TMC5: variants seen among roughly 807,000 people sequenced by gnomAD.
TMC5 encodes transmembrane channel like 5.
A neutral mutation model predicts 110.5 loss-of-function variants in TMC5; 86 were observed. The ratio of observed to expected loss-of-function variants is 0.78; its 90% CI spans 0.65 to 0.93. The LOEUF (loss-of-function observed/expected upper bound fraction) is 0.93. Among genes scored for constraint, TMC5 ranks in the 40% least tolerant of loss-of-function variants. TMC5 has a pLI of 0.00. For synonymous variants in TMC5, 455 were observed against 439.5 expected (o/e 1.04, Z -0.44); for missense variants, 1,144 against 1,222.8 (o/e 0.94, Z 0.96).
At chr16:19,492,051 C>T in intron 18 of TMC5, 99 bp from the exon 19 acceptor site, 2 of 927,664 alleles carry the variant, frequency 2.2e-6, no homozygotes, top group South Asian at 1.5e-5. Context: ...GGGCCAAATC[C>T]ATCTGCAAGC....
At chr16:19,496,887 C>CAAAAAAAAAAAAAAAAAAAAAAAA (rs67040638) in intron 20 of TMC5, among the ~76,000 whole-genome samples, 2 of 80,242 alleles carry the variant, frequency 2.5e-5, no homozygotes, top group Admixed American at 1.4e-4. Flanking sequence ...AAGACTCTGT[C>CAAAAAAAAAAAAAAAAAAAAAAAA]AAAAAAAAAA....
At chr16:19,456,091 C>T (rs541144820) in intron 5 of TMC5, among the ~76,000 whole-genome samples, 111 of 151,950 alleles carry the variant, frequency 7.3e-4, no homozygotes, top group African/African-American at 2.7e-3. Flanking sequence ...CCTGTAATCC[C>T]AGCTACTTGG....
intron 17 of TMC5, 124 bp downstream of exon 17, chr16:19,487,450 C>T (rs1186985405): frequency 1.5e-6 from 2 of 1,311,172 alleles, no homozygotes; most frequent in Admixed American, 5.7e-5. Context: ...GCCTGTGATC[C>T]CGGCACTATG....
chr16:19,461,930 G>C (rs1303328057), intron 6 of TMC5, among the ~76,000 whole-genome samples: 1 of 152,154 alleles, frequency 6.6e-6, no homozygotes, highest in South Asian at 2.1e-4. Context: ...GGACCAGAAA[G>C]GTCTGCCCTC....
intron 1 of TMC5, among the ~76,000 whole-genome samples, chr16:19,421,283 C>T (rs1399353453): frequency 1.3e-5 from 2 of 151,996 alleles, no homozygotes; most frequent in African/African-American, 4.8e-5. Flanking sequence ...GTGTCCCCAC[C>T]CAAATCTCAT....
chr16:19,457,237 A>T (rs564546631), intron 5 of TMC5, among the ~76,000 whole-genome samples: 1 of 152,158 alleles, frequency 6.6e-6, no homozygotes, highest in Admixed American at 6.5e-5. Flanking sequence ...AAAAAAATTT[A>T]AAAAATAATA....
intron 11 of TMC5, among the ~76,000 whole-genome samples, chr16:19,472,610 C>A (rs890393436): frequency 1.3e-5 from 2 of 152,206 alleles, no homozygotes; most frequent in African/African-American, 4.8e-5. Context: ...TGGAGCTCAG[C>A]TGTGTCGTTT....
At chr16:19,452,904 CAG>C (rs936352821) in intron 5 of TMC5, among the ~76,000 whole-genome samples, 1 of 151,686 alleles carries the variant, frequency 6.6e-6, no homozygotes, top group Non-Finnish European at 1.5e-5. Flanking sequence ...GGCAGGAGAT[CAG>C]AGAGAGAGAT....
chr16:19,452,944 CATT>C (rs1967782389), intron 5 of TMC5, among the ~76,000 whole-genome samples: 2 of 151,666 alleles, frequency 1.3e-5, no homozygotes, highest in Admixed American at 1.3e-4. Flanking sequence ...AAAATTCTAA[CATT>C]ATAACAAGGG....
In TMC5 at chr16:19,469,810, T is replaced by A; in HGVS notation, c.1767T>A (p.Leu589=). Residue 589 remains leucine (L), a synonymous_variant, in exon 10 of 22, where the codon CTT becomes CTA. Coordinates refer to ENST00000542583, the MANE Select transcript of TMC5 (RefSeq NM_001261841.2). ...CTGTGAAGCTAAAACAGAAGAATCT[T>A]AGCACTGAGATAAGGGTAAGGCGAG... ...EKAVKLKQKN[L]STEIRENLSE... The A allele has an allele frequency of 5.0e-6, 8 of 1,614,064 alleles. No individual in the cohort carries two copies. The highest frequency in any genetic ancestry group is 6.8e-6 in the Non-Finnish European group (8 of 1,179,968).
chr16:19,486,910 G>A (rs201465375), intron 15 of TMC5, 35 bp from the exon 16 acceptor site: 30 of 1,592,350 alleles, frequency 1.9e-5, no homozygotes, highest in Middle Eastern at 1.7e-4. Context: ...TTGTGTCTCC[G>A]CCAGCCTCTG....
At position 19,440,578 on chromosome 16, in the gene TMC5, C is replaced by A; in HGVS notation, c.540C>A (p.Asn180Lys). ...ATCCTGGACCCAGAGCCAATTTGAA[C>A]CATCCAGGATCCAGAAAGAATCTGG... The part of the protein sequence containing the change: ...SDHPGPRANL[N>K]HPGSRKNLEH... Residue 180 changes from asparagine (N) to lysine (K), a missense_variant, in exon 3 of 22, where the codon AAC becomes AAA. Transcript: ENST00000542583. 1 of 1,614,204 alleles carries A rather than the reference C, an allele frequency of 6.2e-7. No individual in the cohort carries two copies. Among genetic ancestry groups the A allele is most frequent in the African/African-American group, 1.3e-5 (1 of 75,048 alleles).
chr16:19,437,920 T>A (rs1363527885), intron 2 of TMC5, among the ~76,000 whole-genome samples: 1 of 152,182 alleles, frequency 6.6e-6, no homozygotes, highest in Non-Finnish European at 1.5e-5. Context: ...GAGGACTGAC[T>A]GGGTTTACAT....
At chr16:19,416,456 G>A (rs1476095712), upstream of TMC5, among the ~76,000 whole-genome samples, 2 of 152,166 alleles carry the variant, frequency 1.3e-5, no homozygotes, top group Non-Finnish European at 2.9e-5. Flanking sequence ...ATCTGCTGGG[G>A]TTTATCCCTG....
rs942558971 is a variant in TMC5 at position 19,444,109 on chromosome 16, C to T, written c.817C>T (p.Pro273Ser). The part of the protein sequence containing the change: ...GVLSRTSSIQ[P>S]SFRHRSDDPV... The stretch of plus-strand genomic sequence containing the variant: ...GCTCAGCAGAACATCTTCAATCCAG[C>T]CCTCATTTCGTCACAGGAGTGATGA... The change falls in exon 4 of 22, where the codon CCC becomes TCC. Residue 273 changes from proline (P) to serine (S), a missense_variant. Physicochemically the swap from Pro to Ser is moderately conservative, Grantham distance 74. Transcript: ENST00000542583. 2.5e-6 allele frequency: 4 copies of T among 1,613,950 alleles called. No homozygotes were observed. Among genetic ancestry groups the T allele is most frequent in the African/African-American group, 1.3e-5 (1 of 74,912 alleles).
intron 9 of TMC5, among the ~76,000 whole-genome samples, chr16:19,469,394 T>C (rs1395018689): frequency 6.6e-6 from 1 of 151,786 alleles, no homozygotes; most frequent in Non-Finnish European, 1.5e-5. Flanking sequence ...GTTTTATTGT[T>C]ATTCCCTCTC....
At position 19,457,285 on chromosome 16, in the gene TMC5, T is replaced by A. The variant is rs150980089; in HGVS notation, c.1049-2950T>A. Among the ~76,000 whole-genome samples the A allele has an allele frequency of 8.5e-5, 13 of 152,244 alleles. 1 individual carries two copies. The East Asian group carries it at 2.5e-3, about 29-fold the overall frequency. The stretch of plus-strand genomic sequence containing the variant: ...GGTGCACACCTGTGGTCCCAGCTAC[T>A]CAGGAGGCTAAGGTGGGAAGATCAC... On this transcript the variant is annotated intron_variant, in intron 5 of 21. Coordinates refer to ENST00000542583, the MANE Select transcript of TMC5 (RefSeq NM_001261841.2).
chr16:19,492,559 C>T (rs1719664579), intron 19 of TMC5, among the ~76,000 whole-genome samples: 1 of 151,960 alleles, frequency 6.6e-6, no homozygotes, highest in South Asian at 2.1e-4. Flanking sequence ...GATTCTCCTG[C>T]CCCAACCTCC....
chr16:19,428,315 T>C (rs1967128311), intron 1 of TMC5, among the ~76,000 whole-genome samples: 1 of 151,530 alleles, frequency 6.6e-6, no homozygotes, highest in Non-Finnish European at 1.5e-5. Flanking sequence ...ATTCTTTTTT[T>C]TTTTTTTTTT....
Sources: gnomAD v4.1 joint callset for allele counts (sites outside exome capture counted in the v4.1 genomes callset) on GRCh38, gnomAD v4.1.1 for gene constraint, MANE v1.5 for transcripts, NCBI Gene and HGNC (gene_info 2026-07-23, HGNC 2026-07-21) for gene names.